Variants in LDAH observed in about 807,000 individuals in gnomAD.
LDAH encodes the protein lipid droplet-associated hydrolase.
In LDAH, 26 loss-of-function variants were observed where a neutral mutation model predicts 29.6. That is an observed-to-expected ratio of 0.88 (90% CI 0.64 to 1.22). The LOEUF is 1.22. Ranked by LOEUF, LDAH falls within the 50% of genes most tolerant of loss-of-function variation. The pLI is 0.00. For missense variants in LDAH, 344 were observed against 387.3 expected (o/e 0.89, Z 0.94); for synonymous variants, 117 against 133.0 (o/e 0.88, Z 0.83).
intron 4 of LDAH, among the ~76,000 whole-genome samples, chr2:20,752,032 C>T (rs1201411827): frequency 1.3e-5 from 2 of 152,056 alleles, no homozygotes; most frequent in Non-Finnish European, 2.9e-5. Context: ...GCTGGAACTA[C>T]AGGTGTGCGC....
chr2:20,740,121 A>C lies in LDAH; in HGVS notation c.553T>G (p.Trp185Gly). 1.2e-6 allele frequency: 2 copies of C among 1,614,190 alleles called. No homozygotes were observed. Among genetic ancestry groups the C allele is most frequent in the Non-Finnish European group, 1.7e-6 (2 of 1,179,998 alleles). ...GTAACATAGAGAACATATCGAAACC[A>C]GCACAAAAGTGGAGTGGCAATTCTG... ...NGRIATPLLC[W>G]FRYVLYVTGY... Residue 185 changes from tryptophan to glycine, a missense_variant, in exon 5 of 7, where the codon TGG becomes GGG. Physicochemically the swap from Trp to Gly is radical, Grantham distance 184. Transcript: ENST00000237822.
intron 4 of LDAH, among the ~76,000 whole-genome samples, chr2:20,757,494 T>G (rs141496464): frequency 9.3e-4 from 141 of 152,328 alleles, no homozygotes; most frequent in African/African-American, 3.2e-3. Flanking sequence ...AATATTGTTT[T>G]ACTAATTTTT....
At chr2:20,732,937 A>G (rs1666514095) in intron 5 of LDAH, among the ~76,000 whole-genome samples, 1 of 152,024 alleles carries the variant, frequency 6.6e-6, no homozygotes, top group Admixed American at 6.6e-5. Flanking sequence ...TCCTGGCCTT[A>G]AGCAAACCTT....
intron 2 of LDAH, among the ~76,000 whole-genome samples, chr2:20,799,464 G>A (rs943717265): frequency 2.6e-5 from 4 of 151,994 alleles, no homozygotes; most frequent in Non-Finnish European, 5.9e-5. Context: ...CATTCACTTT[G>A]AGTATTCATC....
At chr2:20,803,714 T>G (rs1671875823) in intron 1 of LDAH, among the ~76,000 whole-genome samples, 1 of 152,136 alleles carries the variant, frequency 6.6e-6, no homozygotes, top group Non-Finnish European at 1.5e-5. Context: ...TTCTCTACCA[T>G]CCAATGGGCT....
intron 4 of LDAH, among the ~76,000 whole-genome samples, chr2:20,760,460 A>G (rs1049004513): frequency 7.9e-5 from 12 of 152,248 alleles, no homozygotes; most frequent in African/African-American, 2.9e-4. Flanking sequence ...GGCCTAGCTT[A>G]GCTGGGTTCT....
rs373434211 is a variant in LDAH at position 20,790,288 on chromosome 2, G to C, written c.265C>G (p.Pro89Ala). 6.2e-7 allele frequency: 1 copy of C among 1,614,124 alleles called. No individual in the cohort carries two copies. Among genetic ancestry groups the C allele is most frequent in the Non-Finnish European group, 8.5e-7 (1 of 1,180,012 alleles). Residue 89 changes from proline to alanine, a missense_variant, in exon 3 of 7, where the codon CCC becomes GCC. Transcript: ENST00000237822. Reference protein sequence around the residue: ...TISHAGHALAPKDKKILTTSE... With the variant: ...TISHAGHALAAKDKKILTTSE... The stretch of plus-strand genomic sequence containing the variant: ...GTTGTAAGAATCTTCTTGTCTTTGG[G>C]AGCCAACGCATGCCCAGCATGACTG...
chr2:20,709,937 G>C (rs1664589618), intron 5 of LDAH, among the ~76,000 whole-genome samples: 1 of 152,184 alleles, frequency 6.6e-6, no homozygotes, highest in Non-Finnish European at 1.5e-5. Flanking sequence ...GGCCAAAGCA[G>C]TAGTTAGAGA....
chr2:20,794,816 C>T (rs1277616876), intron 2 of LDAH, among the ~76,000 whole-genome samples: 1 of 152,190 alleles, frequency 6.6e-6, no homozygotes, highest in Non-Finnish European at 1.5e-5. Flanking sequence ...AGATTGGGTA[C>T]ATGGCACTCA....
chr2:20,715,911 G>T (rs1665144780), intron 5 of LDAH, among the ~76,000 whole-genome samples: 1 of 152,102 alleles, frequency 6.6e-6, no homozygotes, highest in Non-Finnish European at 1.5e-5. Flanking sequence ...CAACAAGTGG[G>T]TGAAGGATAT....
chr2:20,689,975 C>G (rs1662874399), intron 6 of LDAH, among the ~76,000 whole-genome samples: 1 of 152,230 alleles, frequency 6.6e-6, no homozygotes, highest in South Asian at 2.1e-4. Flanking sequence ...GTTTCCTCAA[C>G]AAGAAAAGCG....
intron 5 of LDAH, among the ~76,000 whole-genome samples, chr2:20,704,648 C>A (rs958968044): frequency 3.9e-5 from 6 of 152,090 alleles, no homozygotes; most frequent in African/African-American, 1.4e-4. Context: ...AATAATAACA[C>A]GTTATCTCTG....
rs1669057757 is a variant in LDAH, at chr2:20,766,645, A to AT, written c.468+8164dup. Among the ~76,000 whole-genome samples, 3 of 152,350 alleles carry AT rather than the reference A, an allele frequency of 2.0e-5. No individual in the cohort carries two copies. In the South Asian group the frequency reaches 6.2e-4, roughly 32 times the overall value. On this transcript the variant is annotated intron_variant, in intron 4 of 6. Coordinates refer to ENST00000237822, the MANE Select transcript of LDAH (RefSeq NM_021925.4). ...CCACTGGTTGCAACCCACTGAAGTG[A>AT]TTTTGGGATCCATTAATGGATTGCA... is the stretch of plus-strand genomic sequence containing the variant.
intron 6 of LDAH, among the ~76,000 whole-genome samples, chr2:20,701,200 G>A (rs773860812): frequency 8.5e-5 from 13 of 152,170 alleles, no homozygotes; most frequent in Non-Finnish European, 1.5e-4. Context: ...CACTAGTCAT[G>A]AGATCATATA....
At chr2:20,731,073 T>C (rs906815599) in intron 5 of LDAH, among the ~76,000 whole-genome samples, 2 of 152,224 alleles carry the variant, frequency 1.3e-5, no homozygotes, top group Admixed American at 6.5e-5. Flanking sequence ...TGTCGATAGC[T>C]ACAAAAAAAT....
intron 2 of LDAH, among the ~76,000 whole-genome samples, chr2:20,798,229 A>G (rs567356054): frequency 6.6e-6 from 1 of 152,284 alleles, no homozygotes; most frequent in South Asian, 2.1e-4. Flanking sequence ...AAGAGAATAA[A>G]CTAAGATAAA....
rs1388554933 is a variant in LDAH at position 20,801,401 on chromosome 2, G to A, written c.63C>T (p.Ala21=). The A allele has an allele frequency of 3.7e-6, 6 of 1,613,996 alleles. No individual in the cohort carries two copies. The highest frequency in any genetic ancestry group is 1.3e-5 in the African/African-American group (1 of 74,978). Residue 21 remains alanine, a synonymous_variant, in exon 2 of 7, where the codon GCC becomes GCT. Transcript: ENST00000237822. The part of the protein sequence containing the change: ...VHEEFILCGG[A]ETQVLKCGPW... ...GCCCACATTTTAGAACCTGGGTTTC[G>A]GCTCCACCACACAAAATGAATTCCT...
intron 5 of LDAH, among the ~76,000 whole-genome samples, chr2:20,729,915 C>T (rs1666281188): frequency 1.3e-5 from 2 of 152,216 alleles, no homozygotes; most frequent in African/African-American, 2.4e-5. Context: ...CCTGCCTCAA[C>T]CTCCCAAGTA....
At chr2:20,804,200 C>A (rs1411710642) in intron 1 of LDAH, among the ~76,000 whole-genome samples, 1 of 152,176 alleles carries the variant, frequency 6.6e-6, no homozygotes, top group African/African-American at 2.4e-5. Context: ...GGCTATGTGT[C>A]CCTGCCCAGA....
Sources: allele counts gnomAD v4.1 joint callset (sites outside exome capture counted in the v4.1 genomes callset), GRCh38; gene constraint gnomAD v4.1.1; transcripts MANE v1.5; gene names NCBI Gene and HGNC (gene_info 2026-07-23, HGNC 2026-07-21).